Variants in SUMF1 observed in about 807,000 individuals in gnomAD.
SUMF1 encodes the protein formylglycine-generating enzyme.
A neutral mutation model predicts 47.6 loss-of-function variants in SUMF1; 48 were observed. That is an observed-to-expected ratio of 1.01 (90% CI 0.80 to 1.28). The LOEUF (loss-of-function observed/expected upper bound fraction) is 1.28, where lower values mean the gene tolerates loss of function less well. Among genes scored for constraint, SUMF1 ranks in the 50% most tolerant of loss-of-function variants. SUMF1 has a pLI of 0.00. For synonymous variants in SUMF1, 230 were observed against 192.1 expected (o/e 1.20, Z -1.63); for missense variants, 571 against 485.4 (o/e 1.18, Z -1.66).
chr3:4,376,230 T>C (rs568450038), intron 8 of SUMF1, 100 bp downstream of exon 8: 2 of 1,415,046 alleles, frequency 1.4e-6, no homozygotes, highest in African/African-American at 1.4e-5. Context: ...AGGTAGGCAT[T>C]TGCAGAAGTG....
At chr3:4,371,448 G>A (rs1700164262) in intron 8 of SUMF1, among the ~76,000 whole-genome samples, 1 of 152,188 alleles carries the variant, frequency 6.6e-6, no homozygotes, top group South Asian at 2.1e-4. Context: ...TTATGAGAGG[G>A]AGACTTTTTG....
At chr3:4,237,019 T>C (rs1696424986) in intron 8 of SUMF1, among the ~76,000 whole-genome samples, 1 of 152,162 alleles carries the variant, frequency 6.6e-6, no homozygotes, top group South Asian at 2.1e-4. Context: ...ATTGGCTTCT[T>C]TCACTTAGAA....
At chr3:4,464,701 T>C (rs369124691) in intron 1 of SUMF1, among the ~76,000 whole-genome samples, 3 of 152,350 alleles carry the variant, frequency 2.0e-5, no homozygotes, top group African/African-American at 2.4e-5. Flanking sequence ...ACCAAAGTCA[T>C]CTGCACATGA....
intron 8 of SUMF1, among the ~76,000 whole-genome samples, chr3:4,151,421 G>GTA (rs1373079470): frequency 0.088 from 4,465 of 50,984 alleles, 392 homozygotes; most frequent in African/African-American, 0.25. Flanking sequence ...ATGTATATAT[G>GTA]TGTATACATG....
chr3:4,298,592 A>C (rs1175573160), intron 8 of SUMF1, among the ~76,000 whole-genome samples: 4 of 152,216 alleles, frequency 2.6e-5, no homozygotes, highest in Non-Finnish European at 4.4e-5. Context: ...CAGCAAATAT[A>C]GGAGTGTGGT....
intron 9 of SUMF1, among the ~76,000 whole-genome samples, chr3:4,053,867 A>G (rs1695152455): frequency 1.3e-5 from 2 of 152,146 alleles, no homozygotes; most frequent in South Asian, 4.1e-4. Flanking sequence ...AATATGGATA[A>G]ACTTAGAAAA....
At chr3:4,415,895 G>T (rs1421842698) in intron 6 of SUMF1, among the ~76,000 whole-genome samples, 1 of 152,154 alleles carries the variant, frequency 6.6e-6, no homozygotes, top group Non-Finnish European at 1.5e-5. Flanking sequence ...CTTCTGCCAG[G>T]GGAGGACACA....
chr3:4,393,892 C>T (rs7640831), intron 7 of SUMF1, among the ~76,000 whole-genome samples: 1 of 151,894 alleles, frequency 6.6e-6, no homozygotes, highest in Admixed American at 6.6e-5. Flanking sequence ...TAGTGAATCA[C>T]TTGACCTCTT....
chr3:4,448,394 A>G (rs567248438), intron 3 of SUMF1, among the ~76,000 whole-genome samples: 1 of 152,174 alleles, frequency 6.6e-6, no homozygotes, highest in South Asian at 2.1e-4. Flanking sequence ...AAGGAAGATG[A>G]GGGCTGGATT....
At chr3:4,213,734 A>G (rs1358489040) in intron 8 of SUMF1, among the ~76,000 whole-genome samples, 1 of 152,194 alleles carries the variant, frequency 6.6e-6, no homozygotes, top group Admixed American at 6.5e-5. Context: ...AGCAAATGGA[A>G]AGCAAAAAAA....
chr3:4,074,613 A>G (rs1282534911), intron 8 of SUMF1, among the ~76,000 whole-genome samples: 1 of 151,984 alleles, frequency 6.6e-6, no homozygotes, highest in East Asian at 1.9e-4. Context: ...TAAAGAAGAA[A>G]AGAGAAGAAT....
chr3:4,040,014 C>T (rs565833484), intron 9 of SUMF1, among the ~76,000 whole-genome samples: 2 of 151,930 alleles, frequency 1.3e-5, no homozygotes, highest in South Asian at 4.2e-4. Context: ...AGAGACCTGT[C>T]TCAAGAAAAA....
At chr3:4,130,172 G>C (rs1025781319) in intron 8 of SUMF1, among the ~76,000 whole-genome samples, 3 of 152,140 alleles carry the variant, frequency 2.0e-5, no homozygotes, top group Non-Finnish European at 4.4e-5. Context: ...ATGGATCTTG[G>C]AGAATGACAG....
At chr3:4,068,199 A>C (rs575133075) in intron 9 of SUMF1, among the ~76,000 whole-genome samples, 6 of 152,172 alleles carry the variant, frequency 3.9e-5, no homozygotes, top group Non-Finnish European at 7.3e-5. Flanking sequence ...TGGTCATTAA[A>C]ATTAAAACTT....
chr3:4,312,794 T>G (rs1698462182), intron 8 of SUMF1: 1 of 1,358,784 alleles, frequency 7.4e-7, no homozygotes, highest in Non-Finnish European at 1.0e-6. Context: ...TGTCCTGTTT[T>G]TATATATGTT....
Position 4,371,562 on chromosome 3 carries a change from G to T in SUMF1, c.1014+4768C>A, listed in dbSNP as rs189635936. On this transcript the variant is annotated intron_variant, in intron 8 of 8. Coordinates refer to ENST00000272902, the MANE Select transcript of SUMF1 (RefSeq NM_182760.4). ...TCTCAATTTCCCGTCCGTTGCTCTTGCCACTAACACTAGACCAACTCCTTT... is the reference window on the plus strand; with the variant it reads ...TCTCAATTTCCCGTCCGTTGCTCTTTCCACTAACACTAGACCAACTCCTTT... 9.8e-5 allele frequency among the ~76,000 whole-genome samples: 15 copies of T among 152,308 alleles called. No individual in the cohort carries two copies. In the East Asian group the frequency reaches 2.7e-3, roughly 27 times the overall value.
chr3:4,442,422 AT>A (rs35412119), intron 3 of SUMF1, among the ~76,000 whole-genome samples: 86,770 of 148,916 alleles, frequency 0.58, 28,370 homozygotes, highest in Non-Finnish European at 0.75. Context: ...CGCCCGGCTA[AT>A]TTTTTTTTTG....
chr3:4,271,859 C>T (rs1697311277), intron 8 of SUMF1, among the ~76,000 whole-genome samples: 1 of 151,948 alleles, frequency 6.6e-6, no homozygotes, highest in Non-Finnish European at 1.5e-5. Flanking sequence ...AGAAGTGTCC[C>T]TAAAAAGGAG....
At chr3:4,377,801 G>A (rs1375228988) in intron 7 of SUMF1, among the ~76,000 whole-genome samples, 1 of 152,116 alleles carries the variant, frequency 6.6e-6, no homozygotes. Context: ...TGGGGAAAGG[G>A]ATTTATCTCC....
Sources: allele counts gnomAD v4.1 joint callset (sites outside exome capture counted in the v4.1 genomes callset), GRCh38; gene constraint gnomAD v4.1.1; transcripts MANE v1.5; gene names NCBI Gene and HGNC (gene_info 2026-07-23, HGNC 2026-07-21).